Variants in KCTD2 observed in about 807,000 individuals in gnomAD.
KCTD2 encodes BTB/POZ domain-containing protein KCTD2.
KCTD2 carries 18 observed loss-of-function variants against 27.9 expected under a neutral mutation model. The ratio of observed to expected loss-of-function variants is 0.64; its 90% CI spans 0.45 to 0.96. The LOEUF (loss-of-function observed/expected upper bound fraction) is 0.96, where lower values mean the gene tolerates loss of function less well. Ranked by LOEUF, KCTD2 falls within the 40% of genes least tolerant of loss-of-function variation. The pLI, the probability that KCTD2 is intolerant of heterozygous loss-of-function variation, is 0.00. For synonymous variants in KCTD2, 175 were observed against 148.4 expected, an observed-to-expected ratio of 1.18 and a Z score of -1.30; for missense variants, 280 against 348.0, an observed-to-expected ratio of 0.80 and a Z score of 1.56.
chr17:75,051,622 C>G (rs897684680), intron 2 of KCTD2, among the ~76,000 whole-genome samples: 3 of 150,962 alleles, frequency 2.0e-5, no homozygotes, highest in African/African-American at 7.3e-5. Context: ...GTCCTTCATT[C>G]TCTATTTCCC....
intron 3 of KCTD2, among the ~76,000 whole-genome samples, chr17:75,056,408 C>T (rs1179829460): frequency 6.6e-6 from 1 of 152,164 alleles, no homozygotes; most frequent in African/African-American, 2.4e-5. Context: ...TTTAAAGTAC[C>T]ATGAATTATG....
At position 75,047,565 on chromosome 17, in the gene KCTD2, G is replaced by A. The variant is rs540979970; in HGVS notation, c.315G>A (p.Glu105=). 18 of 1,610,704 alleles carry A rather than the reference G, an allele frequency of 1.1e-5. No homozygotes were observed. In the South Asian group the frequency reaches 1.8e-4, roughly 16 times the overall value. ...TTCTCTGCCGCCTCTGCTGCCAGGA[G>A]GACCCGGAGCTGGACTCAGACAAGG... ...KSFLCRLCCQ[E]DPELDSDKDE... The change falls in exon 1 of 6, where the codon GAG becomes GAA. Residue 105 remains glutamate, a synonymous_variant. Coordinates refer to ENST00000322444, the MANE Select transcript of KCTD2 (RefSeq NM_015353.3).
intron 3 of KCTD2, among the ~76,000 whole-genome samples, chr17:75,053,831 C>T (rs542118944): frequency 3.8e-4 from 54 of 142,052 alleles, no homozygotes; most frequent in Non-Finnish European, 6.7e-4. Flanking sequence ...TCATGGGGTA[C>T]GCTTCAGCAG....
At chr17:75,056,030 CAA>C (rs912948642) in intron 3 of KCTD2, among the ~76,000 whole-genome samples, 1 of 141,770 alleles carries the variant, frequency 7.1e-6, no homozygotes. Context: ...GACTCCATCT[CAA>C]AAAAAAAAAG....
intron 4 of KCTD2, among the ~76,000 whole-genome samples, chr17:75,061,395 G>T (rs1007715284): frequency 6.6e-6 from 1 of 152,120 alleles, no homozygotes; most frequent in Non-Finnish European, 1.5e-5. Context: ...CTGTAATCTC[G>T]GCACTTTGGG....
At chr17:75,033,867 G>T (rs768841052) in intron 1 of KCTD2, among the ~76,000 whole-genome samples, 1 of 152,258 alleles carries the variant, frequency 6.6e-6, no homozygotes, top group Admixed American at 6.5e-5. Flanking sequence ...GGGGACACTC[G>T]CTTATGAGGG....
At position 75,053,042 on chromosome 17, in the gene KCTD2, C is replaced by T; in HGVS notation, c.477C>T (p.Asn159=). 1 of 1,614,172 alleles carries T rather than the reference C, an allele frequency of 6.2e-7. No individual in the cohort carries two copies. Among genetic ancestry groups the T allele is most frequent in the Non-Finnish European group, 8.5e-7 (1 of 1,180,000 alleles). The part of the protein sequence containing the change: ...EGVLEEAEFY[N]IASLVRLVKE... ...TGCTGGAGGAAGCGGAGTTTTACAA[C>T]ATCGCGTCCCTTGTGCGGCTGGTTA... Residue 159 remains asparagine, a synonymous_variant, in exon 3 of 6, where the codon AAC becomes AAT. Coordinates refer to ENST00000322444, the MANE Select transcript of KCTD2 (RefSeq NM_015353.3).
chr17:75,040,216 G>C, intron 3 of KCTD2: 1 of 1,609,098 alleles, frequency 6.2e-7, no homozygotes, highest in Non-Finnish European at 8.5e-7. Context: ...CAAACACAAG[G>C]ACAGTGAGTC....
intron 2 of KCTD2, among the ~76,000 whole-genome samples, chr17:75,034,497 C>T (rs2040095598): frequency 6.6e-6 from 1 of 152,238 alleles, no homozygotes; most frequent in Non-Finnish European, 1.5e-5. Flanking sequence ...CATTAGGCCA[C>T]TGGGGCGCGG....
upstream of KCTD2, chr17:75,042,377 C>CTG: frequency 6.7e-7 from 1 of 1,497,742 alleles, no homozygotes; most frequent in Non-Finnish European, 9.1e-7. Flanking sequence ...GGAGGGTCAC[C>CTG]ACACTTTCCT....
chr17:75,040,279 G>A (rs1194895744), intron 3 of KCTD2: 14 of 1,206,962 alleles, frequency 1.2e-5, no homozygotes, highest in Non-Finnish European at 1.5e-5. Flanking sequence ...ATCCTTAAAG[G>A]TCATACTGAA....
chr17:75,034,308 T>C (rs1308884683), intron 2 of KCTD2, among the ~76,000 whole-genome samples: 9 of 151,344 alleles, frequency 5.9e-5, no homozygotes, highest in African/African-American at 2.2e-4. Context: ...CAGAGGGTCC[T>C]GCAAGAGAAG....
upstream of KCTD2, among the ~76,000 whole-genome samples, chr17:75,044,061 GT>G (rs2073187564): frequency 7.9e-6 from 1 of 126,004 alleles, no homozygotes; most frequent in Non-Finnish European, 1.6e-5. Flanking sequence ...GTTTCACTCT[GT>G]CCCCCGGGCT....
At chr17:75,049,179 C>A in intron 1 of KCTD2, 41 bp from the exon 2 acceptor site, 2 of 1,233,494 alleles carry the variant, frequency 1.6e-6, no homozygotes, top group Non-Finnish European at 2.4e-6. Flanking sequence ...TTAAAATACT[C>A]CTCAAAGGTC....
At chr17:75,049,643 G>A (rs1441320522) in intron 2 of KCTD2, among the ~76,000 whole-genome samples, 1 of 152,232 alleles carries the variant, frequency 6.6e-6, no homozygotes, top group African/African-American at 2.4e-5. Context: ...CTAGCAGTGA[G>A]TGTCTGTAGT....
In KCTD2 at chr17:75,063,122, T is replaced by C. The variant is rs1427427980; in HGVS notation, c.*75T>C. On this transcript the variant is annotated 3_prime_UTR_variant, in exon 6 of 6. Coordinates refer to ENST00000322444, the MANE Select transcript of KCTD2 (RefSeq NM_015353.3). ...CCTCTGTGAAGTGAAACCTCACTCC[T>C]GTCCAGTGACCGAGCCACTGCAAAG... The C allele has an allele frequency of 1.0e-5, 14 of 1,395,524 alleles. No individual in the cohort carries two copies. Among genetic ancestry groups the C allele is most frequent in the African/African-American group, 1.4e-5 (1 of 70,326 alleles). The allele number at this position is 1,395,524 out of a possible 1,614,324, so 86.4% of individuals were successfully genotyped here.
intron 3 of KCTD2, chr17:75,035,961 C>A: frequency 4.7e-6 from 2 of 424,278 alleles, no homozygotes; most frequent in South Asian, 3.4e-5. Flanking sequence ...CACCCACCAC[C>A]CCACTACTCT....
chr17:75,039,389 T>C, intron 3 of KCTD2: 1 of 893,658 alleles, frequency 1.1e-6, no homozygotes, highest in Non-Finnish European at 1.8e-6. Flanking sequence ...GGAGAAACTG[T>C]GGTTACCCTG....
At chr17:75,034,637 C>T (rs940437557) in intron 2 of KCTD2, among the ~76,000 whole-genome samples, 1 of 152,106 alleles carries the variant, frequency 6.6e-6, no homozygotes, top group Non-Finnish European at 1.5e-5. Flanking sequence ...TGGCTGGGCG[C>T]GGCGTCCCCA....
Sources: gnomAD v4.1 joint callset for allele counts (sites outside exome capture counted in the v4.1 genomes callset) on GRCh38, gnomAD v4.1.1 for gene constraint, MANE v1.5 for transcripts, NCBI Gene and HGNC (gene_info 2026-07-23, HGNC 2026-07-21) for gene names.